DNAI4: variants seen among roughly 807,000 people sequenced by gnomAD.
DNAI4 encodes the protein WD repeat domain 78.
DNAI4 carries 85 observed loss-of-function variants against 105.8 expected under a neutral mutation model. The observed-to-expected ratio is 0.80, with a 90% confidence interval of 0.67 to 0.96. The LOEUF is 0.96. Ranked by LOEUF, DNAI4 falls within the 40% of genes least tolerant of loss-of-function variation. The probability of loss-of-function intolerance (pLI) is 0.00; values close to 1 mark genes in which losing one functional copy is unlikely to be tolerated. For missense variants in DNAI4, 1,014 were observed against 1,005.6 expected (o/e 1.01, Z -0.11); for synonymous variants, 352 against 331.5 (o/e 1.06, Z -0.67).
intron 6 of DNAI4, among the ~76,000 whole-genome samples, chr1:66,864,939 G>C (rs1646701352): frequency 6.6e-6 from 1 of 152,230 alleles, no homozygotes; most frequent in African/African-American, 2.4e-5. Flanking sequence ...ACAGTGTACA[G>C]GGGGCTTCTA....
At chr1:66,833,355 C>CA (rs1645908590) in intron 13 of DNAI4, among the ~76,000 whole-genome samples, 1 of 152,058 alleles carries the variant, frequency 6.6e-6, no homozygotes. Context: ...CATCATCCCC[C>CA]AAAAAACTCT....
chr1:66,921,728 AAT>A (rs1024566139), intron 1 of DNAI4, among the ~76,000 whole-genome samples: 6 of 152,198 alleles, frequency 3.9e-5, no homozygotes, highest in African/African-American at 7.2e-5. Context: ...AGCAGTAACC[AAT>A]GTTACTGAAG....
chr1:66,813,925 C>A lies in DNAI4; in HGVS notation c.*205G>T. On this transcript the variant is annotated 3_prime_UTR_variant, in exon 17 of 17. Transcript: ENST00000371026. ...ATCTTTAGAAAAATTAAGAAAATTC[C>A]ACTGAAACTCTTAAGAATAACTCTT... 6.8e-6 allele frequency: 3 copies of A among 440,292 alleles called. No individual in the cohort carries two copies. Among genetic ancestry groups the A allele is most frequent in the South Asian group, 5.0e-5 (1 of 20,020 alleles). 27.3% of individuals were successfully genotyped at this position (440,292 alleles called of 1,614,324 possible).
intron 10 of DNAI4, among the ~76,000 whole-genome samples, chr1:66,836,838 C>T (rs916556954): frequency 1.3e-5 from 2 of 152,180 alleles, no homozygotes; most frequent in African/African-American, 4.8e-5. Context: ...TGACCCTTCT[C>T]TAAGTTTTCC....
At chr1:66,850,176 G>C (rs1646367553) in intron 7 of DNAI4, among the ~76,000 whole-genome samples, 1 of 146,276 alleles carries the variant, frequency 6.8e-6, no homozygotes, top group African/African-American at 2.5e-5. Context: ...AAAGCAGCAA[G>C]AGAGAAATGA....
At chr1:66,846,541 A>G (rs886263245) in intron 8 of DNAI4, among the ~76,000 whole-genome samples, 10 of 152,236 alleles carry the variant, frequency 6.6e-5, no homozygotes, top group Admixed American at 3.9e-4. Context: ...GGATTACCAG[A>G]TAAGTCTAAA....
In DNAI4 at chr1:66,847,614, C is replaced by T; in HGVS notation, c.1161G>A (p.Glu387=). Residue 387 remains glutamate (E), a synonymous_variant, in exon 8 of 17, where the codon GAG becomes GAA. Transcript: ENST00000371026. ...TTAATATTGCATCTGAGTGGTCTTCCTCATCTTCATGGATTTTTGCCAGAA... is the reference window on the plus strand; with the variant it reads ...TTAATATTGCATCTGAGTGGTCTTCTTCATCTTCATGGATTTTTGCCAGAA... ...NVILAKIHED[E]EDHSDAILKS... 6.2e-7 allele frequency: 1 copy of T among 1,613,784 alleles called. No homozygotes were observed. Among genetic ancestry groups the T allele is most frequent in the Non-Finnish European group, 8.5e-7 (1 of 1,179,920 alleles).
intron 15 of DNAI4, 110 bp from the exon 16 acceptor site, chr1:66,822,627 G>T: frequency 1.0e-6 from 1 of 991,436 alleles, no homozygotes; most frequent in Non-Finnish European, 1.4e-6. Flanking sequence ...AAAACCATAA[G>T]CCTATTTAAG....
chr1:66,893,041 AAGAAAGAAAGAAAGAGAGAGAG>A (rs1174657618), intron 3 of DNAI4, among the ~76,000 whole-genome samples, 166 bp downstream of exon 3: 59 of 122,794 alleles, frequency 4.8e-4, no homozygotes, highest in African/African-American at 1.3e-3. Flanking sequence ...AGAGGAAAGA[AAGAAAGAAAGAAAGAGAGAGAG>A]AGAAAGAAAG....
chr1:66,911,012 A>G (rs192216165), intron 1 of DNAI4, among the ~76,000 whole-genome samples: 1 of 152,300 alleles, frequency 6.6e-6, no homozygotes, highest in East Asian at 1.9e-4. Context: ...TTCCAGCACT[A>G]TCTACCTGAA....
chr1:66,884,839 A>C (rs1056870009), intron 4 of DNAI4, among the ~76,000 whole-genome samples: 2 of 152,216 alleles, frequency 1.3e-5, no homozygotes, highest in African/African-American at 4.8e-5. Context: ...CCTGTGACCA[A>C]ATTAACCAGA....
In DNAI4 at chr1:66,905,200, C is replaced by T; in HGVS notation, c.345+1G>A. On this transcript the variant is annotated splice_donor_variant, in intron 2 of 16. Transcript: ENST00000371026. LOFTEE classifies it high-confidence loss of function. ...TAAACTCAGAATTCTAAGAATATTACCTGTGTTGTCTTTATATTGGGATTT... is the reference window on the plus strand; with the variant it reads ...TAAACTCAGAATTCTAAGAATATTATCTGTGTTGTCTTTATATTGGGATTT... 6.7e-7 allele frequency: 1 copy of T among 1,487,146 alleles called. No individual in the cohort carries two copies. Among genetic ancestry groups the T allele is most frequent in the Non-Finnish European group, 9.1e-7 (1 of 1,103,450 alleles). The allele number at this position is 1,487,146 out of a possible 1,614,324, so 92.1% of individuals were successfully genotyped here.
chr1:66,908,070 C>T (rs749698729), intron 1 of DNAI4, among the ~76,000 whole-genome samples: 2 of 152,126 alleles, frequency 1.3e-5, no homozygotes, highest in Non-Finnish European at 2.9e-5. Context: ...ATACCTTTCC[C>T]TTCATTTCAG....
rs762079969 is a variant in DNAI4 at position 66,833,661 on chromosome 1, C to A, written c.1937G>T (p.Gly646Val). Residue 646 changes from glycine to valine, a missense_variant, in exon 13 of 17, where the codon GGA becomes GTA. Gly to Val is a moderately radical substitution (Grantham distance 109). Coordinates refer to ENST00000371026, the MANE Select transcript of DNAI4 (RefSeq NM_024763.5). ...TTCATCTTTCTTTTCCTTTTCCCCT[C>A]CTTTTTTGTTACTGGCAGCTGTAGT... ...KRTTAASNKKGGEKEKKDEAL... is the reference protein window; with the variant it reads ...KRTTAASNKKVGEKEKKDEAL... 6.2e-7 allele frequency: 1 copy of A among 1,613,400 alleles called. No homozygotes were observed.
rs1287514652 is a variant in DNAI4, at chr1:66,822,373, CA to C, written c.2483del (p.Leu828TrpfsTer8). ...VYELRNMPTV[L>X]ETGRGDIMDT... is the part of the protein sequence containing the mutation. ...TCTTGAGTCTTACCCGGCCAGTTTCCAAAACAGTAGGCATATTTCTCAGTTC... is the reference window on the plus strand; with the variant it reads ...TCTTGAGTCTTACCCGGCCAGTTTCCAAACAGTAGGCATATTTCTCAGTTC... On this transcript the variant is annotated frameshift_variant, in exon 16 of 17. Coordinates refer to ENST00000371026, the MANE Select transcript of DNAI4 (RefSeq NM_024763.5). LOFTEE classifies it high-confidence loss of function. 1 of 1,604,476 alleles carries C rather than the reference CA, an allele frequency of 6.2e-7. No homozygotes were observed. The highest frequency in any genetic ancestry group is 1.7e-5 in the Admixed American group (1 of 57,702).
At chr1:66,869,594 A>G (rs1646799381) in intron 6 of DNAI4, among the ~76,000 whole-genome samples, 1 of 152,214 alleles carries the variant, frequency 6.6e-6, no homozygotes, top group Non-Finnish European at 1.5e-5. Context: ...GTTACTAAAT[A>G]TCATCTAGGA....
rs1259865048 is a variant in DNAI4 at position 66,890,882 on chromosome 1, G to GAAGAAT, written c.643+271_643+272insATTCTT. ...AGAGGAAGAGGAAGAAGAAGAAGAA[G>GAAGAAT]AAGCAGAAGCAGCAGCAGCAACAGC... On this transcript the variant is annotated intron_variant, in intron 4 of 16. Coordinates refer to ENST00000371026, the MANE Select transcript of DNAI4 (RefSeq NM_024763.5). This position sits in a 1 kb window ranked among gnomAD's most constrained non-coding sequence, Gnocchi z 4.1. 2 of 476,968 alleles carry GAAGAAT rather than the reference G, an allele frequency of 4.2e-6. No individual in the cohort carries two copies. The highest frequency in any genetic ancestry group is 4.0e-5 in the African/African-American group (2 of 49,960). The allele number at this position is 476,968 out of a possible 1,614,324, so 29.5% of individuals were successfully genotyped here. A position where few individuals can be genotyped will look rare whatever the true frequency, so the allele number is the denominator to read the frequency against.
intron 1 of DNAI4, among the ~76,000 whole-genome samples, chr1:66,914,523 A>G (rs904449046): frequency 7.2e-5 from 11 of 152,180 alleles, no homozygotes; most frequent in African/African-American, 1.4e-4. Context: ...TTTAATGGCA[A>G]TTAAATCCGT....
intron 16 of DNAI4, among the ~76,000 whole-genome samples, chr1:66,816,868 CA>C (rs1294712226): frequency 6.6e-6 from 1 of 151,696 alleles, no homozygotes; most frequent in African/African-American, 2.4e-5. Context: ...AATTCAAATC[CA>C]AACACAAAAA....
Sources: allele counts gnomAD v4.1 joint callset (sites outside exome capture counted in the v4.1 genomes callset), GRCh38; gene constraint gnomAD v4.1.1; non-coding constraint Gnocchi (gnomAD v3.1); transcripts MANE v1.5; gene names NCBI Gene and HGNC (gene_info 2026-07-23, HGNC 2026-07-21).